Variants in XYLB observed in about 807,000 individuals in gnomAD.
XYLB encodes xylulose kinase.
In XYLB, 62 loss-of-function variants were observed where a neutral mutation model predicts 78.7. The ratio of observed to expected loss-of-function variants is 0.79; its 90% CI spans 0.64 to 0.97. The LOEUF (loss-of-function observed/expected upper bound fraction) is 0.97. Ranked by LOEUF, XYLB falls within the 50% of genes least tolerant of loss-of-function variation. The pLI is 0.00. For synonymous variants in XYLB, 245 were observed against 247.4 expected, an observed-to-expected ratio of 0.99 and a Z score of 0.09; for missense variants, 687 against 676.8, an observed-to-expected ratio of 1.02 and a Z score of -0.17.
chr3:38,372,566 G>A, intron 9 of XYLB, 89 bp from the exon 10 acceptor site: 6 of 1,603,354 alleles, frequency 3.7e-6, no homozygotes, highest in Non-Finnish European at 5.1e-6. Context: ...GGAGACTGTA[G>A]CGTTTTCGTG....
chr3:38,379,702 A>G (rs1002480892), intron 15 of XYLB, among the ~76,000 whole-genome samples: 2 of 152,220 alleles, frequency 1.3e-5, no homozygotes, highest in Non-Finnish European at 2.9e-5. Context: ...GTCTGGGGAC[A>G]TGAATGGATC....
intron 18 of XYLB, among the ~76,000 whole-genome samples, chr3:38,411,239 A>G (rs922416480): frequency 6.6e-6 from 1 of 152,202 alleles, no homozygotes; most frequent in Non-Finnish European, 1.5e-5. Flanking sequence ...AGGGACATGG[A>G]TGAAATTGGA....
intron 15 of XYLB, among the ~76,000 whole-genome samples, chr3:38,385,269 G>T (rs925227362): frequency 5.9e-5 from 9 of 152,126 alleles, no homozygotes; most frequent in African/African-American, 1.9e-4. Context: ...AAAGTGCTGG[G>T]ATTGTAACCT....
chr3:38,364,524 C>T (rs1706143669), intron 4 of XYLB, among the ~76,000 whole-genome samples: 1 of 133,344 alleles, frequency 7.5e-6, no homozygotes. Flanking sequence ...GCCCATCACC[C>T]ACCCCCGACC....
At chr3:38,372,112 A>G (rs563304695) in intron 9 of XYLB, among the ~76,000 whole-genome samples, 1 of 152,292 alleles carries the variant, frequency 6.6e-6, no homozygotes, top group South Asian at 2.1e-4. Context: ...CTCAAGACCC[A>G]TGTTTTTCGT....
At chr3:38,450,627 T>C in the XYLB span, among the ~76,000 whole-genome samples, 1 of 152,238 alleles carries the variant, frequency 6.6e-6, no homozygotes, top group Non-Finnish European at 1.5e-5. Flanking sequence ...AGCAATCTTG[T>C]AGTCGTTCAA....
intron 2 of XYLB, 81 bp from the exon 3 acceptor site, chr3:38,360,258 A>G: frequency 1.5e-6 from 2 of 1,324,466 alleles, no homozygotes; most frequent in Non-Finnish European, 2.2e-6. Context: ...TTCCAGAGTC[A>G]TCCACCATAG....
chr3:38,390,286 T>C (rs1470594712), intron 15 of XYLB, among the ~76,000 whole-genome samples: 1 of 152,214 alleles, frequency 6.6e-6, no homozygotes, highest in African/African-American at 2.4e-5. Flanking sequence ...CATTCTCGGC[T>C]CACTGCAACC....
chr3:38,361,288 G>A (rs1308353613), intron 3 of XYLB, among the ~76,000 whole-genome samples: 1 of 152,110 alleles, frequency 6.6e-6, no homozygotes, highest in African/African-American at 2.4e-5. Flanking sequence ...AGCTCCAGGG[G>A]CTACCTCATC....
At chr3:38,355,257 C>T (rs1311250500) in intron 2 of XYLB, among the ~76,000 whole-genome samples, 1 of 152,180 alleles carries the variant, frequency 6.6e-6, no homozygotes, top group African/African-American at 2.4e-5. Flanking sequence ...GCCTAGTTGC[C>T]CCAACTTCTT....
At chr3:38,351,049 G>A (rs1158575740) in intron 2 of XYLB, among the ~76,000 whole-genome samples, 2 of 151,654 alleles carry the variant, frequency 1.3e-5, no homozygotes, top group Admixed American at 6.6e-5. Flanking sequence ...CTGCACGCCT[G>A]TAATCCTAGC....
At chr3:38,397,484 A>G (rs905639745) in intron 17 of XYLB, among the ~76,000 whole-genome samples, 1 of 152,208 alleles carries the variant, frequency 6.6e-6, no homozygotes, top group African/African-American at 2.4e-5. Flanking sequence ...GCTAGAGGGC[A>G]GGAGAGGTGG....
At position 38,346,824 on chromosome 3, in the gene XYLB, G is replaced by A; in HGVS notation, c.-45G>A. 1 of 1,470,498 alleles carries A rather than the reference G, an allele frequency of 6.8e-7. No individual in the cohort carries two copies. The highest frequency in any genetic ancestry group is 9.0e-7 in the Non-Finnish European group (1 of 1,108,098). 91.1% of individuals were successfully genotyped at this position (1,470,498 alleles called of 1,614,324 possible). On this transcript the variant is annotated 5_prime_UTR_variant, in exon 1 of 19. Transcript: ENST00000207870. ...GAGCGCGGCGACTATCACGCCGCGT[G>A]GCGGACGGACGGACTGACGGACGCG...
chr3:38,391,680 C>G (rs1278124887), intron 15 of XYLB, among the ~76,000 whole-genome samples: 1 of 152,146 alleles, frequency 6.6e-6, no homozygotes, highest in African/African-American at 2.4e-5. Flanking sequence ...GGAGATGGGC[C>G]TGATGGAAGG....
At position 38,400,940 on chromosome 3, in the gene XYLB, T is replaced by G. The variant is rs1708097671; in HGVS notation, c.1488T>G (p.Ala496=). The G allele has an allele frequency of 1.9e-6, 3 of 1,614,044 alleles. No homozygotes were observed. Among genetic ancestry groups the G allele is most frequent in the Non-Finnish European group, 2.5e-6 (3 of 1,180,040 alleles). Reference sequence around the variant, plus strand: ...CCTTTTCAGAGGTTGTGAAGTTAGCTCCAAATCCCAGACTAGCTGCTACCC... The same window carrying G: ...CCTTTTCAGAGGTTGTGAAGTTAGCGCCAAATCCCAGACTAGCTGCTACCC... The part of the protein sequence containing the change: ...DVPFSEVVKL[A]PNPRLAATPS... Residue 496 remains alanine, a synonymous_variant, in exon 18 of 19, where the codon GCT becomes GCG. Coordinates refer to ENST00000207870, the MANE Select transcript of XYLB (RefSeq NM_005108.4).
intron 18 of XYLB, among the ~76,000 whole-genome samples, chr3:38,408,648 TAAA>T (rs1708437175): frequency 2.0e-5 from 3 of 148,238 alleles, no homozygotes; most frequent in Non-Finnish European, 4.5e-5. Flanking sequence ...GCAAGACTAA[TAAA>T]GAAGAAAAGA....
At chr3:38,395,692 T>C (rs1426790036) in intron 16 of XYLB, 129 bp downstream of exon 16, 16 of 952,460 alleles carry the variant, frequency 1.7e-5, no homozygotes, top group Non-Finnish European at 2.5e-5. Flanking sequence ...TAGCTCACAC[T>C]CCAGGAAGCA....
chr3:38,386,374 T>C (rs1057359092), intron 15 of XYLB, among the ~76,000 whole-genome samples: 3 of 152,302 alleles, frequency 2.0e-5, no homozygotes, highest in African/African-American at 7.2e-5. Flanking sequence ...AGACAGGCAA[T>C]AAATATTTTT....
At position 38,414,973 on chromosome 3, in the gene XYLB, T is replaced by C. The variant is rs1283531457; in HGVS notation, c.*1960T>C. ...AACTCAAATAAACCCCAAAGAACTTTTGGAAAACAAAAGAAAACCTTAAAC... is the reference window on the plus strand; with the variant it reads ...AACTCAAATAAACCCCAAAGAACTTCTGGAAAACAAAAGAAAACCTTAAAC... On this transcript the variant is annotated 3_prime_UTR_variant, in exon 19 of 19. Coordinates refer to ENST00000207870, the MANE Select transcript of XYLB (RefSeq NM_005108.4). The C allele has an allele frequency of 5.9e-5, 9 of 152,164 alleles. No homozygotes were observed. Among genetic ancestry groups the C allele is most frequent in the African/African-American group, 1.7e-4 (7 of 41,452 alleles). The allele number at this position is 152,164 out of a possible 1,614,324, so 9.4% of individuals were successfully genotyped here. A position where few individuals can be genotyped will look rare whatever the true frequency, so the allele number is the denominator to read the frequency against.
Sources: gnomAD v4.1 joint callset for allele counts (sites outside exome capture counted in the v4.1 genomes callset) on GRCh38, gnomAD v4.1.1 for gene constraint, MANE v1.5 for transcripts, NCBI Gene and HGNC (gene_info 2026-07-23, HGNC 2026-07-21) for gene names.